Variants in DLC1 observed in about 807,000 individuals in gnomAD.
DLC1 encodes the protein rho GTPase-activating protein 7.
DLC1 carries 54 observed loss-of-function variants against 140.3 expected under a neutral mutation model. That is an observed-to-expected ratio of 0.38 (90% confidence interval 0.31 to 0.48). The LOEUF is 0.48. Among genes scored for constraint, DLC1 ranks in the 20% least tolerant of loss-of-function variants. DLC1 has a pLI of 0.96. For missense variants in DLC1, 2,536 were observed against 1,907.0 expected (o/e 1.33, Z -6.14); for synonymous variants, 986 against 728.1 (o/e 1.35, Z -5.70).
At chr8:13,377,987 G>C (rs1216301998) in intron 4 of DLC1, among the ~76,000 whole-genome samples, 1 of 151,066 alleles carries the variant, frequency 6.6e-6, no homozygotes, top group Non-Finnish European at 1.5e-5. Context: ...GTTAAGTGTA[G>C]TAGTACCTTT....
At chr8:13,143,526 G>A (rs1684369643) in intron 5 of DLC1, among the ~76,000 whole-genome samples, 1 of 152,100 alleles carries the variant, frequency 6.6e-6, no homozygotes, top group South Asian at 2.1e-4. Flanking sequence ...TGTGATCACG[G>A]TTCACTGCAG....
chr8:13,521,780 G>T (rs911219305), intron 1 of DLC1, among the ~76,000 whole-genome samples: 2 of 152,084 alleles, frequency 1.3e-5, no homozygotes, highest in Admixed American at 1.3e-4. Flanking sequence ...GTACAAATAT[G>T]CCTGTTCTGT....
intron 5 of DLC1, among the ~76,000 whole-genome samples, chr8:13,295,938 CTTTGTTTTTTTTT>C (rs913584817): frequency 5.6e-5 from 3 of 53,344 alleles, no homozygotes; most frequent in Admixed American, 1.7e-4. Context: ...AGATAAGATT[CTTTGTTTTTTTTT>C]TTTTTTTTTT....
intron 2 of DLC1, among the ~76,000 whole-genome samples, chr8:13,476,844 G>C (rs2117096862): frequency 6.6e-6 from 1 of 152,290 alleles, no homozygotes; most frequent in South Asian, 2.1e-4. Context: ...TAATTTTATT[G>C]TAGGATACAC....
intron 1 of DLC1, among the ~76,000 whole-genome samples, chr8:13,571,903 G>A (rs1195625168): frequency 6.6e-6 from 1 of 151,986 alleles, no homozygotes; most frequent in Admixed American, 6.6e-5. Flanking sequence ...AGCCATTTTG[G>A]TAGTTGTGGA....
chr8:13,380,604 A>T (rs1469406734), intron 4 of DLC1, among the ~76,000 whole-genome samples: 1 of 152,074 alleles, frequency 6.6e-6, no homozygotes, highest in Admixed American at 6.6e-5. Flanking sequence ...TATAACCTTG[A>T]CTCTGTGGTT....
chr8:13,281,585 C>A (rs1350676345), intron 5 of DLC1, among the ~76,000 whole-genome samples: 4 of 152,150 alleles, frequency 2.6e-5, no homozygotes, highest in Non-Finnish European at 5.9e-5. Context: ...CACTGGGGTT[C>A]TATGCTTAGA....
intron 3 of DLC1, among the ~76,000 whole-genome samples, chr8:13,399,912 C>G (rs1445281782): frequency 6.6e-6 from 1 of 152,034 alleles, no homozygotes; most frequent in Non-Finnish European, 1.5e-5. Context: ...TCTATAAATT[C>G]ACAGTGAAGT....
intron 5 of DLC1, among the ~76,000 whole-genome samples, chr8:13,162,678 G>A (rs769849604): frequency 6.6e-6 from 1 of 152,050 alleles, no homozygotes; most frequent in South Asian, 2.1e-4. Flanking sequence ...TACAGCTCAC[G>A]AATGTAATCC....
chr8:13,453,194 A>G (rs984922042), intron 2 of DLC1, among the ~76,000 whole-genome samples: 1 of 149,504 alleles, frequency 6.7e-6, no homozygotes, highest in Non-Finnish European at 1.5e-5. Context: ...CTAAAAATAT[A>G]TATTTACAAA....
chr8:13,346,346 T>G (rs1834338870), intron 4 of DLC1, among the ~76,000 whole-genome samples: 1 of 152,224 alleles, frequency 6.6e-6, no homozygotes, highest in Non-Finnish European at 1.5e-5. Context: ...CATTTGTTCA[T>G]AATTGTAGTC....
intron 4 of DLC1, among the ~76,000 whole-genome samples, chr8:13,365,750 C>T (rs73205715): frequency 0.13 from 19,008 of 151,868 alleles, 1,352 homozygotes; most frequent in Non-Finnish European, 0.16. Flanking sequence ...CATGTCTCAC[C>T]GAGGAATAGG....
chr8:13,280,667 A>C (rs1275700947), intron 5 of DLC1, among the ~76,000 whole-genome samples: 1 of 152,160 alleles, frequency 6.6e-6, no homozygotes, highest in South Asian at 2.1e-4. Context: ...CTTCTTTTCC[A>C]AGCCTGTGTA....
chr8:13,120,198 C>A (rs1820922648), intron 5 of DLC1, among the ~76,000 whole-genome samples: 1 of 150,826 alleles, frequency 6.6e-6, no homozygotes, highest in Non-Finnish European at 1.5e-5. Flanking sequence ...CAAAAATTAG[C>A]CAGGCGTGGT....
intron 5 of DLC1, among the ~76,000 whole-genome samples, chr8:13,171,418 T>C (rs1046666631): frequency 3.3e-5 from 5 of 152,212 alleles, no homozygotes; most frequent in Admixed American, 2.0e-4. Flanking sequence ...GGTCTTGCTC[T>C]GTCACTCAGA....
At position 13,456,090 on chromosome 8, in the gene DLC1, G is replaced by A. The variant is rs995591245; in HGVS notation, c.1023+42959C>T. Among the ~76,000 whole-genome samples the A allele has an allele frequency of 3.3e-5, 5 of 152,014 alleles. 1 individual carries two copies. Among genetic ancestry groups the A allele is most frequent in the Admixed American group, 2.6e-4 (4 of 15,272 alleles). On this transcript the variant is annotated intron_variant, in intron 2 of 17. Coordinates refer to ENST00000276297, the MANE Select transcript of DLC1 (RefSeq NM_182643.3). ...AAGGGGAAAAGCATCATTTCTTTTCGAGATTTGCAGCAGAGTTTCCCGTAA... is the reference window on the plus strand; with the variant it reads ...AAGGGGAAAAGCATCATTTCTTTTCAAGATTTGCAGCAGAGTTTCCCGTAA...
In DLC1 at chr8:13,329,232, C is replaced by G. The variant is rs547485698; in HGVS notation, c.1315-23930G>C. Among the ~76,000 whole-genome samples the G allele has an allele frequency of 7.2e-5, 11 of 152,238 alleles. No individual in the cohort carries two copies. The East Asian group carries it at 2.1e-3, about 29-fold the overall frequency. Reference sequence around the variant, plus strand: ...CCCTCTCCCAAATTGATTCTGAAAACAAGTATTACTTTCTGGATTTATGAC... The same window carrying G: ...CCCTCTCCCAAATTGATTCTGAAAAGAAGTATTACTTTCTGGATTTATGAC... On this transcript the variant is annotated intron_variant, in intron 4 of 17. Transcript: ENST00000276297.
intron 5 of DLC1, among the ~76,000 whole-genome samples, chr8:13,290,646 C>A (rs777896649): frequency 5.9e-5 from 9 of 151,954 alleles, no homozygotes; most frequent in Non-Finnish European, 1.2e-4. Context: ...ATAAGAAGTT[C>A]GGATAGAGTA....
chr8:13,094,580 C>T (rs565486121), intron 12 of DLC1, among the ~76,000 whole-genome samples, 179 bp downstream of exon 12: 18 of 152,104 alleles, frequency 1.2e-4, no homozygotes, highest in African/African-American at 1.7e-4. Context: ...GTGGGAGAAT[C>T]GCTTGAACCT....
Sources: allele counts gnomAD v4.1 joint callset (sites outside exome capture counted in the v4.1 genomes callset), GRCh38; gene constraint gnomAD v4.1.1; transcripts MANE v1.5; gene names NCBI Gene and HGNC (gene_info 2026-07-23, HGNC 2026-07-21).